The following ABCG2 variants were observed in gnomAD, a reference collection of about 807,000 sequenced individuals.
ABCG2 encodes the protein ATP binding cassette subfamily G member 2 (JR blood group).
ABCG2 carries 80 observed loss-of-function variants against 73.5 expected under a neutral mutation model. The ratio of observed to expected loss-of-function variants is 1.09; its 90% CI spans 0.91 to 1.31. ABCG2 has a LOEUF of 1.31. Among genes scored for constraint, ABCG2 ranks in the 50% most tolerant of loss-of-function variants. The pLI is 0.00. For missense variants in ABCG2, 796 were observed against 786.2 expected, an observed-to-expected ratio of 1.01 and a Z score of -0.15; for synonymous variants, 269 against 282.4, an observed-to-expected ratio of 0.95 and a Z score of 0.48.
chr4:88,228,335 C>A (rs573043205), intron 1 of ABCG2, among the ~76,000 whole-genome samples: 1 of 152,098 alleles, frequency 6.6e-6, no homozygotes, highest in Non-Finnish European at 1.5e-5. Context: ...AGAGAGTTGG[C>A]AGATGATGGT....
intron 5 of ABCG2, among the ~76,000 whole-genome samples, chr4:88,129,578 C>T (rs1419222636): frequency 6.6e-6 from 1 of 152,130 alleles, no homozygotes; most frequent in African/African-American, 2.4e-5. Context: ...CCCAATCACT[C>T]ATAAAGCGGA....
chr4:88,151,968 C>A (rs2110073456), intron 1 of ABCG2, among the ~76,000 whole-genome samples: 1 of 152,236 alleles, frequency 6.6e-6, no homozygotes, highest in African/African-American at 2.4e-5. Flanking sequence ...CAAATAATGT[C>A]TCATCATAAA....
At position 88,118,182 on chromosome 4, in the gene ABCG2, G is replaced by C. The variant is rs187052754; in HGVS notation, c.768C>G (p.Leu256=). ...TAAGTCTTCCTGAGGCCAATAAGGTGAGGCTATCAAACAACTTGAAGATGG... is the reference window on the plus strand; with the variant it reads ...TAAGTCTTCCTGAGGCCAATAAGGTCAGGCTATCAAACAACTTGAAGATGG... The part of the protein sequence containing the change: ...RYSIFKLFDS[L]TLLASGRLMF... Residue 256 remains leucine, a synonymous_variant, in exon 7 of 16, where the codon CTC becomes CTG. Coordinates refer to ENST00000237612, the MANE Select transcript of ABCG2 (RefSeq NM_004827.3). The C allele has an allele frequency of 6.2e-7, 1 of 1,614,130 alleles. No individual in the cohort carries two copies. The highest frequency in any genetic ancestry group is 2.2e-5 in the East Asian group (1 of 44,876).
intron 1 of ABCG2, among the ~76,000 whole-genome samples, chr4:88,189,483 T>C (rs755522307): frequency 6.6e-6 from 1 of 151,836 alleles, no homozygotes; most frequent in Non-Finnish European, 1.5e-5. Context: ...CACTGTACTC[T>C]AGCCTGGGCA....
intron 1 of ABCG2, among the ~76,000 whole-genome samples, chr4:88,177,565 A>G (rs150737443): frequency 3.7e-4 from 56 of 152,264 alleles, no homozygotes; most frequent in African/African-American, 1.3e-3. Context: ...GGAACACCAA[A>G]TTGAACCACT....
At chr4:88,179,336 C>T (rs1171588784) in intron 1 of ABCG2, among the ~76,000 whole-genome samples, 5 of 152,180 alleles carry the variant, frequency 3.3e-5, no homozygotes, top group African/African-American at 4.8e-5. Context: ...AGCCACAGCG[C>T]GACAGGGCTT....
intron 1 of ABCG2, among the ~76,000 whole-genome samples, chr4:88,218,395 C>G (rs1001518544): frequency 6.6e-6 from 1 of 152,202 alleles, no homozygotes; most frequent in Admixed American, 6.5e-5. Context: ...TAGTGACTAA[C>G]GCAGTGCTGG....
chr4:88,228,419 G>A (rs1052646184), intron 1 of ABCG2, among the ~76,000 whole-genome samples: 2 of 152,132 alleles, frequency 1.3e-5, no homozygotes, highest in African/African-American at 2.4e-5. Flanking sequence ...ATTCAGACCC[G>A]GGATAGCTTA....
intron 1 of ABCG2, among the ~76,000 whole-genome samples, chr4:88,149,038 C>T (rs1375241440): frequency 2.0e-5 from 3 of 152,168 alleles, no homozygotes; most frequent in South Asian, 2.1e-4. Flanking sequence ...GAATTCTGCT[C>T]GTCTGTACAA....
At position 88,136,316 on chromosome 4, in the gene ABCG2, A is replaced by C. The variant is rs150157050; in HGVS notation, c.203+3477T>G. Among the ~76,000 whole-genome samples the C allele has an allele frequency of 7.4e-3, 1,124 of 152,320 alleles. 9 individuals carry two copies. The highest frequency in any genetic ancestry group is 9.3e-3 in the Non-Finnish European group (636 of 68,022). ...ACTGAGAAAGCCTAGAAACAATGAC[A>C]TCCCAATAGCAATGAGCATTTTAAA... is the stretch of plus-strand genomic sequence containing the variant. On this transcript the variant is annotated intron_variant, in intron 2 of 15. Transcript: ENST00000237612.
intron 10 of ABCG2, among the ~76,000 whole-genome samples, chr4:88,102,356 G>A (rs1722484588): frequency 6.6e-6 from 1 of 152,188 alleles, no homozygotes; most frequent in South Asian, 2.1e-4. Context: ...TCGGCACTAT[G>A]GGAGGCCGGG....
chr4:88,097,689 A>C, intron 12 of ABCG2, 82 bp from the exon 13 acceptor site: 4 of 1,428,412 alleles, frequency 2.8e-6, no homozygotes, highest in Non-Finnish European at 3.8e-6. Flanking sequence ...CAAATTTAAC[A>C]CTAATATTTT....
chr4:88,094,131 A>G (rs1721827787), intron 15 of ABCG2, among the ~76,000 whole-genome samples: 1 of 152,156 alleles, frequency 6.6e-6, no homozygotes, highest in Admixed American at 6.5e-5. Context: ...TGCCTATTTC[A>G]TTCTTACTAC....
intron 1 of ABCG2, among the ~76,000 whole-genome samples, chr4:88,189,825 C>T (rs1728611784): frequency 6.6e-6 from 1 of 152,286 alleles, no homozygotes; most frequent in Non-Finnish European, 1.5e-5. Context: ...AAGCGAAAAA[C>T]TTTCAGTTTG....
At chr4:88,184,790 A>G (rs1265031741) in intron 1 of ABCG2, among the ~76,000 whole-genome samples, 1 of 152,236 alleles carries the variant, frequency 6.6e-6, no homozygotes, top group Non-Finnish European at 1.5e-5. Context: ...ACATTACCTG[A>G]CATCAAATTA....
Position 88,092,298 on chromosome 4 carries a change from C to A in ABCG2, c.1904G>T (p.Cys635Phe). 2 of 1,613,340 alleles carry A rather than the reference C, an allele frequency of 1.2e-6. No homozygotes were observed. Among genetic ancestry groups the A allele is most frequent in the Non-Finnish European group, 1.7e-6 (2 of 1,179,614 alleles). ...GLWKNHVALA[C>F]MIVIFLTIAY... ...AATTGTGAGGAAAATAACAATCATACAAGCCAAGGCCACGTGATTCTTCCA... is the reference window on the plus strand; with the variant it reads ...AATTGTGAGGAAAATAACAATCATAAAAGCCAAGGCCACGTGATTCTTCCA... Residue 635 changes from cysteine (C) to phenylalanine (F), a missense_variant, in exon 16 of 16, where the codon TGT becomes TTT. Coordinates refer to ENST00000237612, the MANE Select transcript of ABCG2 (RefSeq NM_004827.3).
intron 1 of ABCG2, among the ~76,000 whole-genome samples, chr4:88,172,646 TC>T (rs1319189218): frequency 6.6e-6 from 1 of 152,124 alleles, no homozygotes; most frequent in African/African-American, 2.4e-5. Context: ...TTGTGGTTTT[TC>T]AATCATACAA....
chr4:88,120,945 A>G (rs993532478), intron 6 of ABCG2, among the ~76,000 whole-genome samples: 7 of 152,332 alleles, frequency 4.6e-5, no homozygotes, highest in African/African-American at 1.2e-4. Context: ...TGTAATAATT[A>G]TAATAACAAT....
chr4:88,226,711 A>G (rs1323561665), intron 1 of ABCG2: 1 of 152,432 alleles, frequency 6.6e-6, no homozygotes, highest in African/African-American at 2.4e-5. Context: ...ATAATCTATT[A>G]TTCAGTACCC....
Sources: gnomAD v4.1 joint callset for allele counts (sites outside exome capture counted in the v4.1 genomes callset) on GRCh38, gnomAD v4.1.1 for gene constraint, MANE v1.5 for transcripts, NCBI Gene and HGNC (gene_info 2026-07-23, HGNC 2026-07-21) for gene names.